The following MYH10 variants were observed in gnomAD, a reference collection of about 807,000 sequenced individuals.
MYH10 encodes myosin heavy chain 10.
MYH10 carries 55 observed loss-of-function variants against 257.8 expected under a neutral mutation model. The observed-to-expected ratio is 0.21, with a 90% CI of 0.17 to 0.27. The LOEUF (loss-of-function observed/expected upper bound fraction) is 0.27, where lower values mean the gene tolerates loss of function less well. Ranked by LOEUF, MYH10 falls within the 10% of genes least tolerant of loss-of-function variation. The pLI, the probability that MYH10 is intolerant of heterozygous loss-of-function variation, is 1.00. For missense variants in MYH10, 1,631 were observed against 2,500.6 expected (o/e 0.65, Z 7.42); for synonymous variants, 854 against 921.7 (o/e 0.93, Z 1.33).
At chr17:8,502,505 T>TGTGTGTGTGTG (rs1567808248) in intron 28 of MYH10, among the ~76,000 whole-genome samples, 5 of 149,812 alleles carry the variant, frequency 3.3e-5, no homozygotes, top group South Asian at 2.1e-4. Flanking sequence ...TGTGTGTGTG[T>TGTGTGTGTGTG]TCCTCATCCC....
intron 7 of MYH10, chr17:8,560,431 T>C (rs2082949709): frequency 2.7e-6 from 1 of 374,760 alleles, no homozygotes; most frequent in Non-Finnish European, 5.1e-6. Flanking sequence ...TGGGGCTTTG[T>C]AGTCATCGCT....
chr17:8,560,639 T>C, intron 7 of MYH10: 1 of 880,024 alleles, frequency 1.1e-6, no homozygotes, highest in Non-Finnish European at 1.8e-6. Context: ...TTTCACAGAA[T>C]TATTCCAGGG....
At chr17:8,481,538 G>C in intron 37 of MYH10, 128 bp from the exon 38 acceptor site, 1 of 792,896 alleles carries the variant, frequency 1.3e-6, no homozygotes, top group Non-Finnish European at 2.0e-6. Flanking sequence ...CTGTCATTTA[G>C]ATTTGAGAAA....
At position 8,535,229 on chromosome 17, in the gene MYH10, C is replaced by T. The variant is rs1028984165; in HGVS notation, c.1894+158G>A. Among the ~76,000 whole-genome samples the T allele has an allele frequency of 2.0e-5, 3 of 152,124 alleles. No individual in the cohort carries two copies. Among genetic ancestry groups the T allele is most frequent in the African/African-American group, 4.8e-5 (2 of 41,418 alleles). On this transcript the variant is annotated intron_variant, in intron 16 of 42. Coordinates refer to ENST00000360416, the MANE Select transcript of MYH10 (RefSeq NM_001256012.3). The surrounding 1 kb of genome is among the most constrained non-coding windows in gnomAD (Gnocchi z 4.3). Reference sequence around the variant, plus strand: ...TTTCTTAACCCAAGTATTGTTAAAACGGATAAATTCCGATATAACGGCAGC... The same window carrying T: ...TTTCTTAACCCAAGTATTGTTAAAATGGATAAATTCCGATATAACGGCAGC...
intron 2 of MYH10, among the ~76,000 whole-genome samples, 194 bp from the exon 3 acceptor site, chr17:8,605,176 A>G (rs1003161435): frequency 6.6e-6 from 1 of 152,240 alleles, no homozygotes; most frequent in Non-Finnish European, 1.5e-5. Flanking sequence ...GTTCTCCCAC[A>G]GATAGCTTAT....
chr17:8,558,230 A>T (rs569195022), intron 7 of MYH10, among the ~76,000 whole-genome samples: 1 of 152,226 alleles, frequency 6.6e-6, no homozygotes, highest in Non-Finnish European at 1.5e-5. Context: ...AATTATTGGC[A>T]TGAAGAGATG....
intron 24 of MYH10, among the ~76,000 whole-genome samples, chr17:8,511,498 C>T (rs757470593): frequency 1.3e-5 from 2 of 152,080 alleles, no homozygotes; most frequent in Non-Finnish European, 2.9e-5. Context: ...CCAGCCTGGG[C>T]AACAAAGCGA....
At position 8,508,694 on chromosome 17, in the gene MYH10, G is replaced by A. The variant is rs1199791091; in HGVS notation, c.3091-17C>T. On this transcript the variant is annotated splice_polypyrimidine_tract_variant and intron_variant, in intron 25 of 42. Coordinates refer to ENST00000360416, the MANE Select transcript of MYH10 (RefSeq NM_001256012.3). ...TTTCTTTTCCTGGACAGGAAAAATT[G>A]ACTGCTTCAGAAAAGCCATTCAGAA... is the stretch of plus-strand genomic sequence containing the variant. 6.2e-7 allele frequency: 1 copy of A among 1,612,766 alleles called. No individual in the cohort carries two copies. Among genetic ancestry groups the A allele is most frequent in the East Asian group, 2.2e-5 (1 of 44,836 alleles).
intron 4 of MYH10, among the ~76,000 whole-genome samples, chr17:8,586,161 G>T (rs188854608): frequency 6.6e-6 from 1 of 152,132 alleles, no homozygotes; most frequent in African/African-American, 2.4e-5. Context: ...AATAGACCAA[G>T]AGAACCCTCC....
chr17:8,567,087 A>C (rs1277181190), intron 7 of MYH10, among the ~76,000 whole-genome samples: 1 of 152,172 alleles, frequency 6.6e-6, no homozygotes, highest in African/African-American at 2.4e-5. Flanking sequence ...TCACATACCA[A>C]AGCTGGCAGC....
chr17:8,586,100 A>T (rs1166898244), intron 4 of MYH10, among the ~76,000 whole-genome samples: 2 of 152,194 alleles, frequency 1.3e-5, no homozygotes, highest in Non-Finnish European at 2.9e-5. Flanking sequence ...GATTGAGAAA[A>T]GCATGCCCTT....
intron 23 of MYH10, among the ~76,000 whole-genome samples, chr17:8,513,145 T>C (rs2049579477): frequency 6.6e-6 from 1 of 152,228 alleles, no homozygotes; most frequent in African/African-American, 2.4e-5. Flanking sequence ...CCACTGCTGC[T>C]AGAGAAGTTC....
In MYH10 at chr17:8,530,569, C is replaced by T. The variant is rs1312393634; in HGVS notation, c.1957+54G>A. On this transcript the variant is annotated intron_variant, in intron 17 of 42. Transcript: ENST00000360416. ...CTGCCAGTCCCCCCACACGTTTTTC[C>T]TGTGGGCTTAAAACCCTTCTGTTTT... 3.5e-6 allele frequency: 4 copies of T among 1,135,396 alleles called. No individual in the cohort carries two copies. In the African/African-American group the frequency reaches 6.5e-5, roughly 19 times the overall value. 70.3% of individuals were successfully genotyped at this position (1,135,396 alleles called of 1,614,324 possible). A position where few individuals can be genotyped will look rare whatever the true frequency, so the allele number is the denominator to read the frequency against.
Position 8,506,627 on chromosome 17 carries a change from C to T in MYH10, c.3215-138G>A, listed in dbSNP as rs76043558. The T allele has an allele frequency of 4.4e-5, 37 of 846,888 alleles. No homozygotes were observed. Among genetic ancestry groups the T allele is most frequent in the African/African-American group, 1.1e-4 (6 of 56,928 alleles). 52.5% of individuals were successfully genotyped at this position (846,888 alleles called of 1,614,324 possible). A position where few individuals can be genotyped will look rare whatever the true frequency, so the allele number is the denominator to read the frequency against. ...TCACTGCCCTGATGACATGGTCATG[C>T]GCTGATGTCAACTGCTCAGTCATTT... On this transcript the variant is annotated intron_variant, in intron 26 of 42. Coordinates refer to ENST00000360416, the MANE Select transcript of MYH10 (RefSeq NM_001256012.3). The surrounding 1 kb of genome is among the most constrained non-coding windows in gnomAD (Gnocchi z 5.0).
chr17:8,484,080 TGGA>T, intron 37 of MYH10, 55 bp downstream of exon 37: 1 of 1,451,732 alleles, frequency 6.9e-7, no homozygotes, highest in Non-Finnish European at 9.2e-7. Flanking sequence ...TTTTTGATCT[TGGA>T]GAAATTTCAA....
intron 3 of MYH10, among the ~76,000 whole-genome samples, chr17:8,604,361 A>G (rs889521549): frequency 6.6e-6 from 1 of 152,226 alleles, no homozygotes; most frequent in African/African-American, 2.4e-5. Flanking sequence ...TTCTGATCCA[A>G]AGGAATACAA....
rs2081376720 is a variant in MYH10 at position 8,513,852 on chromosome 17, G to A, written c.2547C>T (p.Val849=). 6.2e-7 allele frequency: 1 copy of A among 1,614,234 alleles called. No individual in the cohort carries two copies. Among genetic ancestry groups the A allele is most frequent in the African/African-American group, 1.3e-5 (1 of 75,062 alleles). The change falls in exon 22 of 43, where the codon GTC becomes GTT. Residue 849 remains valine, a synonymous_variant. Coordinates refer to ENST00000360416, the MANE Select transcript of MYH10 (RefSeq NM_001256012.3). ...KKQQQLSALK[V]LQRNCAAYLK... is the part of the protein sequence containing the mutation. ...GGTACGCGGCACAGTTCCGCTGCAA[G>A]ACCTTTAAGGCACTTAGTTGCTGCT...
At chr17:8,616,502 A>G (rs2085267747) in intron 2 of MYH10, among the ~76,000 whole-genome samples, 1 of 152,158 alleles carries the variant, frequency 6.6e-6, no homozygotes, top group African/African-American at 2.4e-5. Flanking sequence ...TATATACCAT[A>G]TGAATAATAA....
chr17:8,558,392 C>T (rs1285359184), intron 7 of MYH10, among the ~76,000 whole-genome samples: 6 of 152,140 alleles, frequency 3.9e-5, no homozygotes, highest in African/African-American at 1.4e-4. Context: ...AGAAACAGTG[C>T]CAGCCGAGCC....
Sources: allele counts gnomAD v4.1 joint callset (sites outside exome capture counted in the v4.1 genomes callset), GRCh38; gene constraint gnomAD v4.1.1; non-coding constraint Gnocchi (gnomAD v3.1); transcripts MANE v1.5; gene names NCBI Gene and HGNC (gene_info 2026-07-23, HGNC 2026-07-21).